The following PRSS38 variants were observed in gnomAD, a reference collection of about 807,000 sequenced individuals.
The protein encoded by PRSS38 is marapsin 2.
PRSS38 carries 22 observed loss-of-function variants against 26.8 expected under a neutral mutation model. The observed-to-expected ratio is 0.82, with a 90% CI of 0.59 to 1.17. PRSS38 has a LOEUF of 1.17. Ranked by LOEUF, PRSS38 falls within the 50% of genes most tolerant of loss-of-function variation. The probability of loss-of-function intolerance (pLI) is 0.00; values close to 1 mark genes in which losing one functional copy is unlikely to be tolerated. For synonymous variants in PRSS38, 175 were observed against 172.1 expected (o/e 1.02, Z -0.13); for missense variants, 427 against 422.7 (o/e 1.01, Z -0.09).
chr1:227,818,800 A>G (rs1664960780), intron 3 of PRSS38, among the ~76,000 whole-genome samples: 1 of 151,278 alleles, frequency 6.6e-6, no homozygotes, highest in African/African-American at 2.4e-5. Flanking sequence ...AAACTTTCCC[A>G]TCTATTTGTA....
chr1:227,842,350 T>G (rs1048697477), intron 3 of PRSS38, among the ~76,000 whole-genome samples: 5 of 152,186 alleles, frequency 3.3e-5, no homozygotes, highest in African/African-American at 1.2e-4. Context: ...TTCATATGTC[T>G]GGTGTCTGTC....
intron 3 of PRSS38, 114 bp from the exon 4 acceptor site, chr1:227,845,356 G>T: frequency 4.3e-6 from 3 of 699,532 alleles, no homozygotes; most frequent in Non-Finnish European, 4.8e-6. Context: ...TCCTTCCTAC[G>T]TATAGTGGGG....
intron 3 of PRSS38, among the ~76,000 whole-genome samples, chr1:227,820,051 T>G (rs1664979741): frequency 7.6e-6 from 1 of 132,192 alleles, no homozygotes; most frequent in Admixed American, 9.2e-5. Context: ...ATCACGCCAT[T>G]GCACTCCAGC....
chr1:227,845,905 G>T, intron 4 of PRSS38, 49 bp from the exon 5 acceptor site: 11 of 1,602,648 alleles, frequency 6.9e-6, no homozygotes, highest in Non-Finnish European at 8.5e-6. Flanking sequence ...TGCAGGAGGC[G>T]GCAGGCCTGG....
exon 5 of PRSS38, chr1:227,846,207 G>T: frequency 6.2e-7 from 1 of 1,608,082 alleles, no homozygotes. Flanking sequence ...TCAGTGCTGT[G>T]AGGTCAGGAT....
chr1:227,827,606 T>C (rs1308771279), intron 3 of PRSS38, among the ~76,000 whole-genome samples: 1 of 151,604 alleles, frequency 6.6e-6, no homozygotes, highest in Non-Finnish European at 1.5e-5. Flanking sequence ...TAGCTAGTGA[T>C]CTATCTTATT....
chr1:227,828,758 C>T (rs184061471), intron 3 of PRSS38, among the ~76,000 whole-genome samples: 584 of 57,560 alleles, frequency 0.01, 2 homozygotes, highest in Non-Finnish European at 0.027. Flanking sequence ...AAGGGACCAC[C>T]CCCCAGGGTT....
chr1:227,815,969 C>T (rs961448018), intron 1 of PRSS38, 105 bp downstream of exon 1: 4 of 1,480,194 alleles, frequency 2.7e-6, no homozygotes, highest in Non-Finnish European at 2.8e-6. Context: ...CCCTTCCCCT[C>T]CCCCATGTCC....
intron 3 of PRSS38, among the ~76,000 whole-genome samples, chr1:227,830,119 G>A (rs181804278): frequency 2.0e-5 from 3 of 152,092 alleles, no homozygotes; most frequent in Admixed American, 2.0e-4. Context: ...AACTCACCTT[G>A]CATTCCTGTG....
intron 3 of PRSS38, among the ~76,000 whole-genome samples, chr1:227,826,279 G>A (rs1018509280): frequency 1.3e-5 from 2 of 152,116 alleles, no homozygotes; most frequent in African/African-American, 4.8e-5. Context: ...AGAAGCTTTT[G>A]GGCTGAGATG....
At chr1:227,844,296 G>T (rs1312684243) in intron 3 of PRSS38, among the ~76,000 whole-genome samples, 2 of 152,004 alleles carry the variant, frequency 1.3e-5, no homozygotes, top group Non-Finnish European at 2.9e-5. Context: ...GGGTCATCGG[G>T]GTTACTCCCT....
chr1:227,845,881 C>A lies in PRSS38; in HGVS notation c.727-73C>A, dbSNP rs553435465. On this transcript the variant is annotated intron_variant, in intron 4 of 4. Coordinates refer to ENST00000366757, the Ensembl canonical transcript of PRSS38. ...GGGTCTGCACAGCCACCCCCTTGCA[C>A]CCTGGGGGACAGGTGCAGGAGGCGG... 2.8e-4 allele frequency: 443 copies of A among 1,576,816 alleles called. 5 individuals carry two copies. The East Asian group carries it at 9.8e-3, about 35-fold the overall frequency.
Position 227,837,716 on chromosome 1 carries a change from T to C in PRSS38, c.584-7754T>C, listed in dbSNP as rs939286155. Reference sequence around the variant, plus strand: ...TGCCATTTTTCAATCCCGTGAGCAATGTAGGAGAGTGCTAGTTGCTGCACC... The same window carrying C: ...TGCCATTTTTCAATCCCGTGAGCAACGTAGGAGAGTGCTAGTTGCTGCACC... On this transcript the variant is annotated intron_variant, in intron 3 of 4. Coordinates refer to ENST00000366757, the Ensembl canonical transcript of PRSS38. Among the ~76,000 whole-genome samples, 15 of 152,292 alleles carry C rather than the reference T, an allele frequency of 9.8e-5. No homozygotes were observed. The East Asian group carries it at 2.9e-3, about 29-fold the overall frequency.
intron 3 of PRSS38, among the ~76,000 whole-genome samples, chr1:227,818,879 ACT>A (rs1252840285): frequency 6.6e-6 from 1 of 152,004 alleles, no homozygotes; most frequent in Non-Finnish European, 1.5e-5. Flanking sequence ...GCCATAAAAC[ACT>A]CTGATCCTAG....
intron 3 of PRSS38, among the ~76,000 whole-genome samples, chr1:227,845,020 T>TCTATGTGTGGCGGGGCTCTTCC: frequency 8.8e-6 from 1 of 113,502 alleles, no homozygotes; most frequent in Non-Finnish European, 1.8e-5. Flanking sequence ...GGGGCTGCTC[T>TCTATGTGTGGCGGGGCTCTTCC]CTATGTGTGG....
Position 227,816,296 on chromosome 1 carries a change from C to T in PRSS38, c.311+44C>T. ...GGGATGGTGTGGGTAGCTGGGCCTG[C>T]ACGGAGTGCCCACAGCGGCTTGGAT... On this transcript the variant is annotated intron_variant, in intron 2 of 4. Coordinates refer to ENST00000366757, the Ensembl canonical transcript of PRSS38. The surrounding 1 kb of genome is among the most constrained non-coding windows in gnomAD (Gnocchi z 5.1). 6.3e-7 allele frequency: 1 copy of T among 1,580,012 alleles called. No homozygotes were observed. The highest frequency in any genetic ancestry group is 8.6e-7 in the Non-Finnish European group (1 of 1,156,480).
At chr1:227,845,843 G>GC (rs879611765) in intron 4 of PRSS38, 111 bp from the exon 5 acceptor site, 129 of 1,446,266 alleles carry the variant, frequency 8.9e-5, no homozygotes, top group Non-Finnish European at 1.2e-4. Context: ...GGGGGCACTG[G>GC]CCCCTTCCAG....
At chr1:227,818,545 G>A (rs934945440) in intron 3 of PRSS38, among the ~76,000 whole-genome samples, 4 of 152,038 alleles carry the variant, frequency 2.6e-5, no homozygotes, top group African/African-American at 9.7e-5. Flanking sequence ...GGGCTTGACG[G>A]CATGTGCCTG....
intron 3 of PRSS38, among the ~76,000 whole-genome samples, chr1:227,837,024 T>A (rs906167026): frequency 6.6e-6 from 1 of 152,204 alleles, no homozygotes; most frequent in Non-Finnish European, 1.5e-5. Flanking sequence ...AGGGTCTTGC[T>A]CTGTCACCCA....
Sources: gnomAD v4.1 joint callset for allele counts (sites outside exome capture counted in the v4.1 genomes callset) on GRCh38, gnomAD v4.1.1 for gene constraint, Gnocchi (gnomAD v3.1) non-coding constraint, MANE v1.5 for transcripts, NCBI Gene and HGNC (gene_info 2026-07-23, HGNC 2026-07-21) for gene names.